The following SLC12A6 variants were observed in gnomAD, a reference collection of about 807,000 sequenced individuals.
SLC12A6 encodes solute carrier family 12 member 6.
In SLC12A6, 66 loss-of-function variants were observed where a neutral mutation model predicts 135.3. The ratio of observed to expected loss-of-function variants is 0.49; its 90% CI spans 0.40 to 0.60. The LOEUF is 0.60. SLC12A6 is among the 20% of genes least tolerant of loss of function. The pLI, the probability that SLC12A6 is intolerant of heterozygous loss-of-function variation, is 0.00. For synonymous variants in SLC12A6, 513 were observed against 508.8 expected (o/e 1.01, Z -0.11); for missense variants, 1,058 against 1,452.3 (o/e 0.73, Z 4.41).
chr15:34,261,581 A>G (rs1157635774), intron 3 of SLC12A6, among the ~76,000 whole-genome samples: 2 of 152,228 alleles, frequency 1.3e-5, no homozygotes, highest in Non-Finnish European at 2.9e-5. Flanking sequence ...TACAGGCGTG[A>G]GCCACTTGCA....
chr15:34,233,651 CTT>C lies in SLC12A6; in HGVS notation c.*228_*229del. 1 of 513,854 alleles carries C rather than the reference CTT, an allele frequency of 1.9e-6. No homozygotes were observed. The highest frequency in any genetic ancestry group is 3.4e-5 in the East Asian group (1 of 29,158). The allele number at this position is 513,854 out of a possible 1,614,324, so 31.8% of individuals were successfully genotyped here. A position where few individuals can be genotyped will look rare whatever the true frequency, so the allele number is the denominator to read the frequency against. ...GACTGCTCAGACGTGGCTTGAAAGA[CTT>C]GAGCATTGTTCTGATGTTGAGGGAA... On this transcript the variant is annotated 3_prime_UTR_variant, in exon 26 of 26. Transcript: ENST00000354181.
intron 2 of SLC12A6, among the ~76,000 whole-genome samples, chr15:34,327,729 T>C (rs1040713463): frequency 1.2e-4 from 19 of 152,302 alleles, no homozygotes; most frequent in African/African-American, 4.3e-4. Context: ...TTTGGTTAGA[T>C]TCAATTTCTC....
chr15:34,330,741 T>C (rs1014685629), intron 2 of SLC12A6, among the ~76,000 whole-genome samples: 2 of 151,864 alleles, frequency 1.3e-5, no homozygotes, highest in African/African-American at 2.4e-5. Context: ...GCTAAGAAGG[T>C]ACCAAATCAA....
intron 2 of SLC12A6, among the ~76,000 whole-genome samples, chr15:34,330,849 C>G (rs1205117325): frequency 6.6e-6 from 1 of 151,986 alleles, no homozygotes; most frequent in Non-Finnish European, 1.5e-5. Context: ...ATAGTCCATC[C>G]TGGCCAACAT....
intron 2 of SLC12A6, among the ~76,000 whole-genome samples, chr15:34,317,256 A>G (rs1888714659): frequency 6.6e-6 from 1 of 152,260 alleles, no homozygotes; most frequent in African/African-American, 2.4e-5. Flanking sequence ...AAACAAAAGG[A>G]ACATTTTCCT....
Position 34,244,004 on chromosome 15 carries a change from T to C in SLC12A6, c.2012A>G (p.Asn671Ser), listed in dbSNP as rs763829723. ...GTAGTAGCGGAATCGGGGTCTCCAG[T>C]TGGGTGTTCGAAGTAATGTTTGCAA... ...CALQTLLRTP[N>S]WRPRFRYYHW... The change falls in exon 16 of 26, where the codon AAC becomes AGC. Residue 671 changes from asparagine (N) to serine (S), a missense_variant. By Grantham distance (46) the Asn-to-Ser change is conservative. Transcript: ENST00000354181. 3.7e-6 allele frequency: 6 copies of C among 1,607,298 alleles called. No individual in the cohort carries two copies. The highest frequency in any genetic ancestry group is 2.7e-5 in the African/African-American group (2 of 74,950).
chr15:34,305,649 G>A (rs943473922), intron 2 of SLC12A6, among the ~76,000 whole-genome samples: 3 of 151,830 alleles, frequency 2.0e-5, no homozygotes, highest in African/African-American at 7.3e-5. Flanking sequence ...GAGGATAAAT[G>A]GAGTCAGGTG....
chr15:34,279,978 G>A (rs942466457), intron 2 of SLC12A6, among the ~76,000 whole-genome samples: 8 of 152,208 alleles, frequency 5.3e-5, no homozygotes, highest in Admixed American at 1.3e-4. Context: ...TAGTAAGAAT[G>A]AAGATTTTAG....
intron 2 of SLC12A6, among the ~76,000 whole-genome samples, chr15:34,320,405 T>C (rs1320473879): frequency 6.6e-6 from 1 of 152,024 alleles, no homozygotes; most frequent in South Asian, 2.1e-4. Context: ...GAGACAAATA[T>C]CACATTTTCA....
chr15:34,311,010 C>T (rs905957332), intron 2 of SLC12A6, among the ~76,000 whole-genome samples: 5 of 152,002 alleles, frequency 3.3e-5, no homozygotes, highest in Non-Finnish European at 7.4e-5. Flanking sequence ...AAATTTAAAC[C>T]TCATTTAATA....
At chr15:34,241,133 T>C (rs751657090) in intron 18 of SLC12A6, 100 bp downstream of exon 18, 128 of 748,034 alleles carry the variant, frequency 1.7e-4, no homozygotes, top group Non-Finnish European at 2.1e-4. Flanking sequence ...ATTATACCAA[T>C]TCCTTGAGCC....
intron 2 of SLC12A6, among the ~76,000 whole-genome samples, chr15:34,289,496 A>T (rs1895363102): frequency 6.6e-6 from 1 of 152,154 alleles, no homozygotes; most frequent in South Asian, 2.1e-4. Context: ...GGCCTCATAA[A>T]ATGAGTTATG....
At chr15:34,297,749 CTTGGGAAGA>C (rs994986688) in intron 2 of SLC12A6, among the ~76,000 whole-genome samples, 3 of 152,100 alleles carry the variant, frequency 2.0e-5, no homozygotes, top group African/African-American at 7.2e-5. Context: ...GAAAGATTTG[CTTGGGAAGA>C]TTGGGTCATA....
intron 2 of SLC12A6, among the ~76,000 whole-genome samples, chr15:34,276,676 T>C (rs1894318134): frequency 6.6e-6 from 1 of 152,240 alleles, no homozygotes; most frequent in African/African-American, 2.4e-5. Context: ...TTCACTAACC[T>C]CTAACTGAAG....
chr15:34,323,503 A>T (rs1333026082), intron 2 of SLC12A6, among the ~76,000 whole-genome samples: 3 of 152,206 alleles, frequency 2.0e-5, no homozygotes, highest in Non-Finnish European at 4.4e-5. Flanking sequence ...AGGGATCTAA[A>T]TTATGTGCTC....
At chr15:34,337,051 C>A in intron 1 of SLC12A6, 1 of 333,976 alleles carries the variant, frequency 3.0e-6, no homozygotes, top group East Asian at 8.2e-5. Flanking sequence ...AAGCCTCCCT[C>A]CCCTCAGCCC....
intron 3 of SLC12A6, among the ~76,000 whole-genome samples, chr15:34,274,055 A>C (rs1894137513): frequency 1.3e-5 from 2 of 152,198 alleles, no homozygotes; most frequent in African/African-American, 4.8e-5. Flanking sequence ...TACTGGATAT[A>C]AGTATAAGAT....
At chr15:34,235,451 T>TTTTTTTA (rs1891192680) in intron 24 of SLC12A6, 137 bp from the exon 25 acceptor site, 1 of 691,310 alleles carries the variant, frequency 1.4e-6, no homozygotes, top group Admixed American at 2.6e-5. Flanking sequence ...TTTTTTTTTT[T>TTTTTTTA]GAGAGGGAGT....
intron 2 of SLC12A6, among the ~76,000 whole-genome samples, chr15:34,286,062 G>A (rs60114685): frequency 0.39 from 58,395 of 151,462 alleles, 14,320 homozygotes; most frequent in African/African-American, 0.71. Context: ...TAAGATGCTA[G>A]GTTTTATTGC....
Sources: gnomAD v4.1 joint callset for allele counts (sites outside exome capture counted in the v4.1 genomes callset) on GRCh38, gnomAD v4.1.1 for gene constraint, MANE v1.5 for transcripts, NCBI Gene and HGNC (gene_info 2026-07-23, HGNC 2026-07-21) for gene names.